SMURF2: variants seen among roughly 807,000 people sequenced by gnomAD.
SMURF2 encodes the protein SMAD specific E3 ubiquitin protein ligase 2.
Under a neutral mutation model 109.6 loss-of-function variants are expected in SMURF2, and 48 were observed. That is an observed-to-expected ratio of 0.44 (90% CI 0.35 to 0.56). The LOEUF (loss-of-function observed/expected upper bound fraction) is 0.56. Ranked by LOEUF, SMURF2 falls within the 20% of genes least tolerant of loss-of-function variation. The pLI is 0.01. For synonymous variants in SMURF2, 288 were observed against 317.1 expected (o/e 0.91, Z 0.97); for missense variants, 575 against 909.0 (o/e 0.63, Z 4.72).
intron 1 of SMURF2, among the ~76,000 whole-genome samples, chr17:64,629,934 T>A (rs1568202262): frequency 2.0e-5 from 3 of 152,076 alleles, no homozygotes; most frequent in African/African-American, 7.2e-5. Context: ...AAAGTAATCA[T>A]CCTTTAAGAA....
intron 1 of SMURF2, among the ~76,000 whole-genome samples, chr17:64,625,238 T>G (rs1970252994): frequency 6.6e-6 from 1 of 152,190 alleles, no homozygotes; most frequent in Admixed American, 6.5e-5. Context: ...CTTAAGTTAG[T>G]CTGAATGGGT....
chr17:64,642,535 A>C (rs1230361890), intron 1 of SMURF2, among the ~76,000 whole-genome samples: 1 of 152,220 alleles, frequency 6.6e-6, no homozygotes, highest in Middle Eastern at 3.2e-3. Context: ...GAAGCATCAA[A>C]ACTGCCAAAC....
In SMURF2 at chr17:64,542,627, GA is replaced by G. The variant is rs1414981019; in HGVS notation, c.*3220del. On this transcript the variant is annotated 3_prime_UTR_variant, in exon 19 of 19. Coordinates refer to ENST00000262435, the MANE Select transcript of SMURF2 (RefSeq NM_022739.4). Reference sequence around the variant, plus strand: ...ATGGCACCCGTTGACTGTACGCTTAGAAAACAAGCAGAAGGAGCCACTCTCC... The same window carrying G: ...ATGGCACCCGTTGACTGTACGCTTAGAAACAAGCAGAAGGAGCCACTCTCC... The G allele has an allele frequency of 2.0e-5, 3 of 152,084 alleles. No individual in the cohort carries two copies. Among genetic ancestry groups the G allele is most frequent in the Non-Finnish European group, 4.4e-5 (3 of 68,022 alleles). 9.4% of individuals were successfully genotyped at this position (152,084 alleles called of 1,614,324 possible). A position where few individuals can be genotyped will look rare whatever the true frequency, so the allele number is the denominator to read the frequency against.
chr17:64,561,851 A>G (rs1969224831), intron 11 of SMURF2, among the ~76,000 whole-genome samples: 1 of 152,014 alleles, frequency 6.6e-6, no homozygotes, highest in Admixed American at 6.6e-5. Flanking sequence ...TTTTTCTTAA[A>G]TAGCTGGGCA....
Position 64,545,727 on chromosome 17 carries a change from AAAAAAAG to A in SMURF2, c.*114_*120del. 2.1e-5 allele frequency: 5 copies of A among 235,710 alleles called. No homozygotes were observed. The highest frequency in any genetic ancestry group is 5.8e-5 in the Admixed American group (1 of 17,176). The allele number at this position is 235,710 out of a possible 1,614,324, so 14.6% of individuals were successfully genotyped here. A position where few individuals can be genotyped will look rare whatever the true frequency, so the allele number is the denominator to read the frequency against. On this transcript the variant is annotated 3_prime_UTR_variant, in exon 19 of 19. Transcript: ENST00000262435. ...AGTGTCCTAAAATGTAAAAAAAAAA[AAAAAAAG>A]GGGGGGGGGGGGAGTGTTTTCCTGT...
chr17:64,642,841 T>C (rs976842069), intron 1 of SMURF2, among the ~76,000 whole-genome samples: 2 of 151,972 alleles, frequency 1.3e-5, no homozygotes, highest in Non-Finnish European at 1.5e-5. Context: ...GTCGCCCCAG[T>C]TGCAGTGCAG....
chr17:64,618,364 A>G (rs2144692391), intron 1 of SMURF2, among the ~76,000 whole-genome samples: 1 of 152,372 alleles, frequency 6.6e-6, no homozygotes, highest in Admixed American at 6.5e-5. Context: ...TATCTGGTAC[A>G]TAGCAGGCAC....
chr17:64,647,027 T>A (rs1221666156), intron 1 of SMURF2, among the ~76,000 whole-genome samples: 8 of 152,002 alleles, frequency 5.3e-5, no homozygotes, highest in Admixed American at 3.9e-4. Context: ...GCACTGACTG[T>A]GGTTATTTCA....
intron 1 of SMURF2, among the ~76,000 whole-genome samples, chr17:64,616,621 C>G (rs1970124206): frequency 6.7e-6 from 1 of 150,158 alleles, no homozygotes; most frequent in South Asian, 2.1e-4. Context: ...CGCCACTGTA[C>G]TCCAGCCCAG....
intron 5 of SMURF2, among the ~76,000 whole-genome samples, chr17:64,587,038 G>T (rs1441253695): frequency 1.3e-5 from 2 of 151,496 alleles, no homozygotes; most frequent in Non-Finnish European, 2.9e-5. Context: ...AACTATGGGC[G>T]TGGTGCGTGC....
chr17:64,554,732 C>A, intron 15 of SMURF2, 124 bp downstream of exon 15: 1 of 822,866 alleles, frequency 1.2e-6, no homozygotes, highest in Non-Finnish European at 1.9e-6. Context: ...CTAAATAAGC[C>A]ACTAAATTCT....
intron 1 of SMURF2, among the ~76,000 whole-genome samples, chr17:64,631,998 G>A (rs888392158): frequency 1.3e-5 from 1 of 79,070 alleles, no homozygotes; most frequent in Admixed American, 2.1e-4. Context: ...AGGCACACTC[G>A]CCCACGCTGA....
At chr17:64,606,820 T>C (rs782362626) in intron 1 of SMURF2, among the ~76,000 whole-genome samples, 180 bp from the exon 2 acceptor site, 4 of 152,146 alleles carry the variant, frequency 2.6e-5, no homozygotes, top group Non-Finnish European at 4.4e-5. Context: ...TGGTTGCAAC[T>C]TTCAATGATC....
chr17:64,583,244 A>C (rs1324023225), intron 7 of SMURF2, among the ~76,000 whole-genome samples: 2 of 152,170 alleles, frequency 1.3e-5, no homozygotes, highest in African/African-American at 4.8e-5. Flanking sequence ...TTTATTGAGT[A>C]CCACTGCAGG....
intron 16 of SMURF2, among the ~76,000 whole-genome samples, chr17:64,548,074 A>G (rs1347854358): frequency 6.6e-6 from 1 of 152,222 alleles, no homozygotes; most frequent in African/African-American, 2.4e-5. Context: ...CCAGGGTCTG[A>G]GAACCACAGC....
Position 64,661,868 on chromosome 17 carries a change from C to G in SMURF2, c.13G>C (p.Gly5Arg). ...TTGACGGGCCCGTTCCTCCGGCCTCCGGGGTTAGACATGTCCCCGGCGGCG... is the reference window on the plus strand; with the variant it reads ...TTGACGGGCCCGTTCCTCCGGCCTCGGGGGTTAGACATGTCCCCGGCGGCG... MSNP[G>R]GRRNGPVKLR... Residue 5 changes from glycine to arginine, a missense_variant, in exon 1 of 19, where the codon GGA becomes CGA. Gly to Arg is a moderately radical substitution (Grantham distance 125, BLOSUM62 -2). Coordinates refer to ENST00000262435, the MANE Select transcript of SMURF2 (RefSeq NM_022739.4). The G allele has an allele frequency of 8.2e-7, 1 of 1,213,572 alleles. No homozygotes were observed. The highest frequency in any genetic ancestry group is 1.0e-6 in the Non-Finnish European group (1 of 976,454). 75.2% of individuals were successfully genotyped at this position (1,213,572 alleles called of 1,614,324 possible). A position where few individuals can be genotyped will look rare whatever the true frequency, so the allele number is the denominator to read the frequency against.
chr17:64,614,438 G>GTC (rs377360874), intron 1 of SMURF2, among the ~76,000 whole-genome samples: 13 of 152,190 alleles, frequency 8.5e-5, no homozygotes, highest in African/African-American at 3.1e-4. Flanking sequence ...CAGGGACAAT[G>GTC]TCTCAAACAG....
At chr17:64,608,186 A>T (rs891656959) in intron 1 of SMURF2, among the ~76,000 whole-genome samples, 18 of 152,190 alleles carry the variant, frequency 1.2e-4, no homozygotes, top group African/African-American at 4.3e-4. Context: ...ATCCACTTCT[A>T]CTAACAGTTT....
chr17:64,580,706 C>G, intron 8 of SMURF2, 83 bp downstream of exon 8: 1 of 1,392,638 alleles, frequency 7.2e-7, no homozygotes, highest in Non-Finnish European at 1.0e-6. Flanking sequence ...AGATTAATAA[C>G]TTTTTCAAAA....
Sources: allele counts gnomAD v4.1 joint callset (sites outside exome capture counted in the v4.1 genomes callset), GRCh38; gene constraint gnomAD v4.1.1; transcripts MANE v1.5; gene names NCBI Gene and HGNC (gene_info 2026-07-23, HGNC 2026-07-21).